The following DYNC2H1 variants were observed in gnomAD, a reference collection of about 807,000 sequenced individuals.
The protein encoded by DYNC2H1 is dynein cytoplasmic 2 heavy chain 1.
A neutral mutation model predicts 570.0 loss-of-function variants in DYNC2H1; 410 were observed. The observed-to-expected ratio is 0.72, with a 90% CI of 0.66 to 0.78. The LOEUF is 0.78. Ranked by LOEUF, DYNC2H1 falls within the 30% of genes least tolerant of loss-of-function variation. The probability of loss-of-function intolerance (pLI) is 0.00; values close to 1 mark genes in which losing one functional copy is unlikely to be tolerated. For missense variants in DYNC2H1, 4,865 were observed against 5,046.4 expected (o/e 0.96, Z 1.09); for synonymous variants, 1,688 against 1,677.6 (o/e 1.01, Z -0.15).
chr11:103,150,862 G>C (rs907524696), intron 20 of DYNC2H1, among the ~76,000 whole-genome samples: 1 of 152,122 alleles, frequency 6.6e-6, no homozygotes, highest in Non-Finnish European at 1.5e-5. Flanking sequence ...AAGCAATTAG[G>C]TATTATAAGA....
chr11:103,427,054 T>C (rs1306805252), intron 84 of DYNC2H1, among the ~76,000 whole-genome samples: 3 of 152,202 alleles, frequency 2.0e-5, no homozygotes, highest in African/African-American at 7.2e-5. Context: ...ATAGATCAAA[T>C]GTTAACGTAA....
rs1366200182 is a variant in DYNC2H1, at chr11:103,277,838, G to A, written c.10696-2510G>A. ...ATGATGTTTAATTTTTTCAGAGGACGCTTTTCTTTTCCCCAGATTCCAGGT... is the reference window on the plus strand; with the variant it reads ...ATGATGTTTAATTTTTTCAGAGGACACTTTTCTTTTCCCCAGATTCCAGGT... On this transcript the variant is annotated intron_variant, in intron 70 of 88. Coordinates refer to ENST00000375735, the MANE Select transcript of DYNC2H1 (RefSeq NM_001377.3). The surrounding 1 kb of genome is among the most constrained non-coding windows in gnomAD (Gnocchi z 4.3). Among the ~76,000 whole-genome samples, 3 of 152,242 alleles carry A rather than the reference G, an allele frequency of 2.0e-5. No individual in the cohort carries two copies. Among genetic ancestry groups the A allele is most frequent in the South Asian group, 2.1e-4 (1 of 4,816 alleles).
chr11:103,209,790 A>G lies in DYNC2H1; in HGVS notation c.8455-86A>G. 1 of 1,031,986 alleles carries G rather than the reference A, an allele frequency of 9.7e-7. No individual in the cohort carries two copies. Among genetic ancestry groups the G allele is most frequent in the East Asian group, 3.5e-5 (1 of 28,568 alleles). The allele number at this position is 1,031,986 out of a possible 1,614,324, so 63.9% of individuals were successfully genotyped here. A position where few individuals can be genotyped will look rare whatever the true frequency, so the allele number is the denominator to read the frequency against. On this transcript the variant is annotated intron_variant, in intron 52 of 88. Coordinates refer to ENST00000375735, the MANE Select transcript of DYNC2H1 (RefSeq NM_001377.3). The surrounding 1 kb of genome is among the most constrained non-coding windows in gnomAD (Gnocchi z 4.2). ...TGAATCCTAGAAGAAAAGTACAATC[A>G]ATACTGACTTTTTTTGTATTAAAGG...
intron 13 of DYNC2H1, among the ~76,000 whole-genome samples, chr11:103,130,266 T>A (rs1859206577): frequency 6.6e-6 from 1 of 152,034 alleles, no homozygotes; most frequent in African/African-American, 2.4e-5. Flanking sequence ...ACCAAATTAT[T>A]TAGGTACAGT....
intron 82 of DYNC2H1, among the ~76,000 whole-genome samples, chr11:103,357,457 C>T (rs1379583021): frequency 6.6e-6 from 1 of 152,124 alleles, no homozygotes; most frequent in Non-Finnish European, 1.5e-5. Context: ...AACTTATCAA[C>T]CAGTAATTAT....
chr11:103,153,963 G>A (rs1860690194), intron 22 of DYNC2H1, among the ~76,000 whole-genome samples: 1 of 151,816 alleles, frequency 6.6e-6, no homozygotes, highest in South Asian at 2.1e-4. Context: ...TTCTATTTAA[G>A]TAGATGCTTT....
In DYNC2H1 at chr11:103,459,521, G is replaced by A. The variant is rs200725031; in HGVS notation, c.12648+3165G>A. Among the ~76,000 whole-genome samples the A allele has an allele frequency of 7.8e-4, 119 of 152,144 alleles. 1 individual carries two copies. Among genetic ancestry groups the A allele is most frequent in the African/African-American group, 2.3e-3 (95 of 41,496 alleles). ...TCAAACCCTTTCTGAAGGGTTGAGCGCCTATAATAGGAGAGGCACTGTAGT... is the reference window on the plus strand; with the variant it reads ...TCAAACCCTTTCTGAAGGGTTGAGCACCTATAATAGGAGAGGCACTGTAGT... On this transcript the variant is annotated intron_variant, in intron 87 of 88. Coordinates refer to ENST00000375735, the MANE Select transcript of DYNC2H1 (RefSeq NM_001377.3).
rs1490061079 is a variant in DYNC2H1, at chr11:103,275,364, T to C, written c.10696-4984T>C. ...ATTGACACATCCTAATCACCTGAAG[T>C]TCATAGTTTACATTAAAGTTCACTC... On this transcript the variant is annotated intron_variant, in intron 70 of 88. Coordinates refer to ENST00000375735, the MANE Select transcript of DYNC2H1 (RefSeq NM_001377.3). The surrounding 1 kb of genome is among the most constrained non-coding windows in gnomAD (Gnocchi z 4.8). Among the ~76,000 whole-genome samples, 1 of 152,156 alleles carries C rather than the reference T, an allele frequency of 6.6e-6. No homozygotes were observed. The highest frequency in any genetic ancestry group is 1.5e-5 in the Non-Finnish European group (1 of 68,032).
intron 83 of DYNC2H1, among the ~76,000 whole-genome samples, chr11:103,391,007 G>T (rs1431606012): frequency 1.3e-5 from 2 of 152,090 alleles, no homozygotes; most frequent in Non-Finnish European, 2.9e-5. Flanking sequence ...GTATCTTTGT[G>T]GCATTCTCTG....
chr11:103,210,573 C>T (rs1303011156), intron 53 of DYNC2H1, among the ~76,000 whole-genome samples: 1 of 151,918 alleles, frequency 6.6e-6, no homozygotes, highest in East Asian at 1.9e-4. Flanking sequence ...TATATATAAA[C>T]ATAAATTTCT....
At chr11:103,398,543 A>G (rs981008214) in intron 83 of DYNC2H1, among the ~76,000 whole-genome samples, 1 of 152,184 alleles carries the variant, frequency 6.6e-6, no homozygotes, top group Non-Finnish European at 1.5e-5. Context: ...CAGTGCCACC[A>G]TAGACTCGTC....
Position 103,446,266 on chromosome 11 carries a change from A to G in DYNC2H1, c.12457-8920A>G, listed in dbSNP as rs1944421459. Among the ~76,000 whole-genome samples the G allele has an allele frequency of 6.6e-6, 1 of 152,192 alleles. No individual in the cohort carries two copies. Among genetic ancestry groups the G allele is most frequent in the Non-Finnish European group, 1.5e-5 (1 of 68,032 alleles). On this transcript the variant is annotated intron_variant, in intron 85 of 88. Coordinates refer to ENST00000375735, the MANE Select transcript of DYNC2H1 (RefSeq NM_001377.3). The surrounding 1 kb of genome is among the most constrained non-coding windows in gnomAD (Gnocchi z 4.5). ...CCATAGGAATGGCCAAGTATCTGGC[A>G]CTGGTGCACTTCAATATTGAGATGT...
chr11:103,143,212 A>G, intron 17 of DYNC2H1, 56 bp from the exon 18 acceptor site: 6 of 1,551,498 alleles, frequency 3.9e-6, no homozygotes, highest in Non-Finnish European at 5.3e-6. Context: ...ATTCTATTAT[A>G]TGTTAACATA....
rs1319880107 is a variant in DYNC2H1 at position 103,275,569 on chromosome 11, A to G, written c.10696-4779A>G. The stretch of plus-strand genomic sequence containing the variant: ...TATAGTTTTGCCTGTTCCAAATTAT[A>G]TTCTAATTATATTTGTCATATAATT... On this transcript the variant is annotated intron_variant, in intron 70 of 88. Coordinates refer to ENST00000375735, the MANE Select transcript of DYNC2H1 (RefSeq NM_001377.3). The surrounding 1 kb of genome is among the most constrained non-coding windows in gnomAD (Gnocchi z 4.8). 6.6e-6 allele frequency among the ~76,000 whole-genome samples: 1 copy of G among 152,146 alleles called. No homozygotes were observed. The highest frequency in any genetic ancestry group is 1.5e-5 in the Non-Finnish European group (1 of 68,030).
At chr11:103,137,367 G>A (rs561043173) in intron 17 of DYNC2H1, among the ~76,000 whole-genome samples, 7 of 149,944 alleles carry the variant, frequency 4.7e-5, no homozygotes, top group South Asian at 4.2e-4. Flanking sequence ...TAGCTCTAAC[G>A]TTTAAGTCTT....
chr11:103,199,546 A>G lies in DYNC2H1; in HGVS notation c.8088+70A>G. The G allele has an allele frequency of 7.3e-7, 1 of 1,377,484 alleles. No individual in the cohort carries two copies. Among genetic ancestry groups the G allele is most frequent in the Non-Finnish European group, 9.5e-7 (1 of 1,056,340 alleles). The allele number at this position is 1,377,484 out of a possible 1,614,324, so 85.3% of individuals were successfully genotyped here. On this transcript the variant is annotated intron_variant, in intron 49 of 88. Transcript: ENST00000375735. This position sits in a 1 kb window ranked among gnomAD's most constrained non-coding sequence, Gnocchi z 4.6. ...TTGGTTATTACTCTAAACATCTTTA[A>G]AGACCTAAAGGTTTAAAGAACTAAA...
chr11:103,225,167 A>G (rs753659127), intron 59 of DYNC2H1, among the ~76,000 whole-genome samples: 23 of 148,432 alleles, frequency 1.5e-4, no homozygotes, highest in Non-Finnish European at 3.1e-4. Context: ...TGTTGGATGT[A>G]TAGATTGTGA....
intron 83 of DYNC2H1, among the ~76,000 whole-genome samples, chr11:103,386,748 G>T (rs1941893973): frequency 6.6e-6 from 1 of 152,036 alleles, no homozygotes; most frequent in Admixed American, 6.6e-5. Flanking sequence ...AGAACATGTG[G>T]TGTTTGTTTT....
Position 103,209,263 on chromosome 11 carries a change from T to G in DYNC2H1, c.8455-613T>G, listed in dbSNP as rs1447700674. Among the ~76,000 whole-genome samples the G allele has an allele frequency of 6.6e-6, 1 of 152,100 alleles. No individual in the cohort carries two copies. Among genetic ancestry groups the G allele is most frequent in the African/African-American group, 2.4e-5 (1 of 41,458 alleles). On this transcript the variant is annotated intron_variant, in intron 52 of 88. Transcript: ENST00000375735. This position sits in a 1 kb window ranked among gnomAD's most constrained non-coding sequence, Gnocchi z 4.2. Reference sequence around the variant, plus strand: ...AAATTTCAAAATTGTTACTTTAATTTTTTTTCAGGACACTAAACTTTCTTT... The same window carrying G: ...AAATTTCAAAATTGTTACTTTAATTGTTTTTCAGGACACTAAACTTTCTTT...
Sources: gnomAD v4.1 joint callset for allele counts (sites outside exome capture counted in the v4.1 genomes callset) on GRCh38, gnomAD v4.1.1 for gene constraint, Gnocchi (gnomAD v3.1) non-coding constraint, MANE v1.5 for transcripts, NCBI Gene and HGNC (gene_info 2026-07-23, HGNC 2026-07-21) for gene names.